Variants in NLRP9 observed in about 807,000 individuals in gnomAD.
NLRP9 encodes the protein NACHT, LRR and PYD domains-containing protein 9.
Under a neutral mutation model 83.1 loss-of-function variants are expected in NLRP9, and 88 were observed. The ratio of observed to expected loss-of-function variants is 1.06; its 90% CI spans 0.89 to 1.26. NLRP9 has a LOEUF of 1.26. Among genes scored for constraint, NLRP9 ranks in the 50% most tolerant of loss-of-function variants. The pLI, the probability that NLRP9 is intolerant of heterozygous loss-of-function variation, is 0.00. For missense variants in NLRP9, 1,308 were observed against 1,179.3 expected (o/e 1.11, Z -1.60); for synonymous variants, 521 against 447.6 (o/e 1.16, Z -2.07).
intron 5 of NLRP9, 36 bp downstream of exon 5, chr19:55,716,692 G>T: frequency 2.5e-6 from 4 of 1,587,928 alleles, no homozygotes; most frequent in Non-Finnish European, 3.5e-6. Context: ...GCACGCTTCA[G>T]AAATCTCCGA....
chr19:55,733,308 A>C lies in NLRP9; in HGVS notation c.523T>G (p.Trp175Gly), dbSNP rs781067028. 2 of 1,613,994 alleles carry C rather than the reference A, an allele frequency of 1.2e-6. No homozygotes were observed. The highest frequency in any genetic ancestry group is 2.2e-5 in the East Asian group (1 of 44,896). The change falls in exon 2 of 9, where the codon TGG becomes GGG. Residue 175 changes from tryptophan to glycine, a missense_variant. Transcript: ENST00000332836. ...VMLDWAEGNLWKDRFTFVFFL... is the reference protein window; with the variant it reads ...VMLDWAEGNLGKDRFTFVFFL... ...AACACAAATGTGAACCTGTCCTTCC[A>C]TAAGTTTCCCTCTGCCCAGTCCAAC...
rs952938864 is a variant in NLRP9, at chr19:55,708,724, G to A, written c.*188C>T. ...TCTAAAGACAAGGGGATATAGGACC[G>A]AGGCAAAGACAATCAGCATGTACAC... On this transcript the variant is annotated 3_prime_UTR_variant, in exon 9 of 9. Transcript: ENST00000332836. 6 of 449,706 alleles carry A rather than the reference G, an allele frequency of 1.3e-5. No homozygotes were observed. Among genetic ancestry groups the A allele is most frequent in the Middle Eastern group, 6.1e-4 (1 of 1,652 alleles). The allele number at this position is 449,706 out of a possible 1,614,324, so 27.9% of individuals were successfully genotyped here.
intron 7 of NLRP9, 55 bp from the exon 8 acceptor site, chr19:55,712,025 G>C: frequency 6.5e-7 from 1 of 1,549,900 alleles, no homozygotes; most frequent in South Asian, 1.2e-5. Context: ...AGGCTGGAAG[G>C]CACGCCATTG....
intron 5 of NLRP9, among the ~76,000 whole-genome samples, chr19:55,715,657 C>A (rs935541701): frequency 3.3e-5 from 5 of 152,066 alleles, no homozygotes; most frequent in Admixed American, 6.6e-5. Flanking sequence ...GCACTTCAGC[C>A]TGGGCAACAA....
intron 3 of NLRP9, among the ~76,000 whole-genome samples, chr19:55,728,060 ATG>A (rs1988452255): frequency 6.6e-6 from 1 of 152,192 alleles, no homozygotes; most frequent in Non-Finnish European, 1.5e-5. Context: ...GTGAGAACAC[ATG>A]TGAAGTGTCA....
In NLRP9 at chr19:55,715,217, T is replaced by G. The variant is rs781028065; in HGVS notation, c.2339A>C (p.Tyr780Ser). 1 of 1,612,850 alleles carries G rather than the reference T, an allele frequency of 6.2e-7. No homozygotes were observed. The highest frequency in any genetic ancestry group is 8.5e-7 in the Non-Finnish European group (1 of 1,179,572). ...ACAGGAGACAGAGGTGAGACAGCAG[T>G]ACATCAACCTGCAAAGAAACACACC... Reference protein sequence around the residue: ...HCALERLMLMYCCLTSVSCDS... With the variant: ...HCALERLMLMSCCLTSVSCDS... The change falls in exon 6 of 9, where the codon TAC (tyrosine) becomes TCC (serine). Residue 780 changes from tyrosine to serine, a missense_variant. Transcript: ENST00000332836.
chr19:55,731,976 G>T, intron 2 of NLRP9, 23 bp downstream of exon 2: 1 of 1,436,922 alleles, frequency 7.0e-7, no homozygotes, highest in Non-Finnish European at 9.5e-7. Flanking sequence ...TGTGTGGGAC[G>T]GGGGATTAAT....
At chr19:55,730,060 C>G (rs1339046418) in intron 2 of NLRP9, 68 bp from the exon 3 acceptor site, 6 of 1,432,784 alleles carry the variant, frequency 4.2e-6, no homozygotes, top group Non-Finnish European at 5.8e-6. Flanking sequence ...CAAAACAGGT[C>G]GAACACCATT....
At chr19:55,734,303 G>A (rs1988711924) in intron 1 of NLRP9, among the ~76,000 whole-genome samples, 2 of 135,448 alleles carry the variant, frequency 1.5e-5, no homozygotes, top group Non-Finnish European at 3.0e-5. Flanking sequence ...AGCGGAGATT[G>A]CAATAAGCCA....
At chr19:55,729,798 T>C in intron 3 of NLRP9, 33 bp downstream of exon 3, 1 of 1,572,366 alleles carries the variant, frequency 6.4e-7, no homozygotes, top group Non-Finnish European at 8.6e-7. Context: ...AACTCTGCCA[T>C]TTGCTTAAAG....
Position 55,716,832 on chromosome 19 carries a change from G to A in NLRP9, c.2226C>T (p.Ser742=), listed in dbSNP as rs781634375. 6.2e-7 allele frequency: 1 copy of A among 1,613,846 alleles called. No homozygotes were observed. Among genetic ancestry groups the A allele is most frequent in the Non-Finnish European group, 8.5e-7 (1 of 1,179,870 alleles). The change falls in exon 5 of 9, where the codon AGC becomes AGT. Residue 742 remains serine (S), a synonymous_variant. Coordinates refer to ENST00000332836, the MANE Select transcript of NLRP9 (RefSeq NM_176820.4). ...EDIASVLACN[S]KLKHLSLVEN... is the part of the protein sequence containing the mutation. Reference sequence around the variant, plus strand: ...CTACCAAGGAGAGGTGTTTCAGCTTGCTGTTGCAGGCCAGGACGGAGGCGA... The same window carrying A: ...CTACCAAGGAGAGGTGTTTCAGCTTACTGTTGCAGGCCAGGACGGAGGCGA...
chr19:55,716,843 C>T lies in NLRP9; in HGVS notation c.2215G>A (p.Ala739Thr). The T allele has an allele frequency of 6.2e-7, 1 of 1,613,868 alleles. No individual in the cohort carries two copies. Among genetic ancestry groups the T allele is most frequent in the Non-Finnish European group, 8.5e-7 (1 of 1,179,930 alleles). Reference protein sequence around the residue: ...EVCEDIASVLACNSKLKHLSL... With the variant: ...EVCEDIASVLTCNSKLKHLSL... Reference sequence around the variant, plus strand: ...AGGTGTTTCAGCTTGCTGTTGCAGGCCAGGACGGAGGCGATGTCTTCACAA... The same window carrying T: ...AGGTGTTTCAGCTTGCTGTTGCAGGTCAGGACGGAGGCGATGTCTTCACAA... Residue 739 changes from alanine (A) to threonine (T), a missense_variant, in exon 5 of 9, where the codon GCC becomes ACC. By Grantham distance (58) the Ala-to-Thr change is moderately conservative. Coordinates refer to ENST00000332836, the MANE Select transcript of NLRP9 (RefSeq NM_176820.4).
intron 4 of NLRP9, among the ~76,000 whole-genome samples, chr19:55,718,983 C>T (rs1349396701): frequency 1.3e-5 from 2 of 152,202 alleles, no homozygotes; most frequent in South Asian, 2.1e-4. Flanking sequence ...ATCCCAGCTG[C>T]ACATCTGTAT....
intron 2 of NLRP9, among the ~76,000 whole-genome samples, chr19:55,731,551 C>T (rs1988568758): frequency 6.6e-6 from 1 of 151,648 alleles, no homozygotes; most frequent in African/African-American, 2.4e-5. Context: ...TGGTGAAACC[C>T]TGTCTCTACC....
chr19:55,733,919 A>AATTTTTTTTTTTTTTTTTTTTTT, intron 1 of NLRP9, among the ~76,000 whole-genome samples: 1 of 117,868 alleles, frequency 8.5e-6, no homozygotes, highest in African/African-American at 3.6e-5. Flanking sequence ...TGTCAACCAA[A>AATTTTTTTTTTTTTTTTTTTTTT]TTTTTTTTTT....
At chr19:55,727,881 A>G (rs1988447486) in intron 3 of NLRP9, among the ~76,000 whole-genome samples, 1 of 152,198 alleles carries the variant, frequency 6.6e-6, no homozygotes, top group Non-Finnish European at 1.5e-5. Flanking sequence ...TACGACTTGC[A>G]ATACAGTCTT....
At chr19:55,712,035 G>T in intron 7 of NLRP9, 65 bp from the exon 8 acceptor site, 1 of 1,511,782 alleles carries the variant, frequency 6.6e-7, no homozygotes, top group Non-Finnish European at 9.1e-7. Context: ...GCACGCCATT[G>T]TTACTTGCTA....
At chr19:55,728,277 G>C (rs1988458496) in intron 3 of NLRP9, among the ~76,000 whole-genome samples, 1 of 152,128 alleles carries the variant, frequency 6.6e-6, no homozygotes, top group Non-Finnish European at 1.5e-5. Context: ...CAAAGTCCAA[G>C]TTTCAAGACA....
At chr19:55,717,017 A>G (rs1213223542) in intron 4 of NLRP9, 119 bp from the exon 5 acceptor site, 14 of 637,016 alleles carry the variant, frequency 2.2e-5, no homozygotes, top group South Asian at 4.4e-5. Flanking sequence ...CATTATCTAC[A>G]CTACAGACTC....
Sources: allele counts gnomAD v4.1 joint callset (sites outside exome capture counted in the v4.1 genomes callset), GRCh38; gene constraint gnomAD v4.1.1; transcripts MANE v1.5; gene names NCBI Gene and HGNC (gene_info 2026-07-23, HGNC 2026-07-21).